Variants in KLHL29 observed in about 807,000 individuals in gnomAD.
The protein encoded by KLHL29 is kelch like family member 29, also known as kelch-like protein 29.
Under a neutral mutation model 80.4 loss-of-function variants are expected in KLHL29, and 21 were observed. The ratio of observed to expected loss-of-function variants is 0.26; its 90% CI spans 0.19 to 0.38. KLHL29 has a LOEUF of 0.38. KLHL29 is among the 10% of genes least tolerant of loss of function. KLHL29 has a pLI of 1.00. For missense variants in KLHL29, 867 were observed against 1,223.9 expected, an observed-to-expected ratio of 0.71 and a Z score of 4.35; for synonymous variants, 511 against 526.8, an observed-to-expected ratio of 0.97 and a Z score of 0.41.
At chr2:23,704,927 A>T (rs1672624396) in intron 13 of KLHL29, among the ~76,000 whole-genome samples, 1 of 152,256 alleles carries the variant, frequency 6.6e-6, no homozygotes, top group Admixed American at 6.5e-5. Context: ...TAGCTAGAAA[A>T]GATATAACCT....
intron 5 of KLHL29, chr2:23,644,269 C>T (rs919123485): frequency 1.6e-4 from 20 of 128,160 alleles, no homozygotes; most frequent in Middle Eastern, 7.4e-3. Flanking sequence ...CTCTGTCTCC[C>T]TTTAAAAAAA....
At chr2:23,411,340 C>T (rs7606048) in intron 1 of KLHL29, among the ~76,000 whole-genome samples, 115,568 of 150,708 alleles carry the variant, frequency 0.77, 44,500 homozygotes, top group South Asian at 0.85. Flanking sequence ...TGAAGTAGTT[C>T]CCATGCCTGG....
intron 2 of KLHL29, among the ~76,000 whole-genome samples, chr2:23,515,164 T>C (rs1665883841): frequency 2.0e-5 from 3 of 152,156 alleles, no homozygotes; most frequent in Admixed American, 2.0e-4. Flanking sequence ...CCTCTTCGCA[T>C]TTCTACCACC....
chr2:23,698,432 T>C (rs2712080), intron 11 of KLHL29, among the ~76,000 whole-genome samples: 22,555 of 152,108 alleles, frequency 0.15, 2,115 homozygotes, highest in Non-Finnish European at 0.2. Context: ...TGGCACACAG[T>C]GGCAATGATG....
At position 23,454,478 on chromosome 2, in the gene KLHL29, A is replaced by G. The variant is rs563032488; in HGVS notation, c.-153-21082A>G. On this transcript the variant is annotated intron_variant, in intron 1 of 13. Transcript: ENST00000486442. ...ATGGATTTTATTTAAACCCCCAGGC[A>G]GACTCCATTTAAATCTGTCTATAAA... 3.3e-5 allele frequency among the ~76,000 whole-genome samples: 5 copies of G among 152,330 alleles called. No homozygotes were observed. The South Asian group carries it at 8.3e-4, about 25-fold the overall frequency.
At chr2:23,618,373 A>G (rs1669076071) in intron 3 of KLHL29, among the ~76,000 whole-genome samples, 1 of 152,202 alleles carries the variant, frequency 6.6e-6, no homozygotes, top group Non-Finnish European at 1.5e-5. Context: ...GGATGAGATT[A>G]AGATTCAAAT....
chr2:23,404,449 A>G (rs1489091510), intron 1 of KLHL29, among the ~76,000 whole-genome samples: 1 of 152,228 alleles, frequency 6.6e-6, no homozygotes, highest in Non-Finnish European at 1.5e-5. Context: ...TTAACAAAGC[A>G]TTGATGTTTG....
chr2:23,528,753 A>G (rs1297833851), intron 2 of KLHL29, among the ~76,000 whole-genome samples: 1 of 152,214 alleles, frequency 6.6e-6, no homozygotes, highest in African/African-American at 2.4e-5. Flanking sequence ...TACCCTTTGG[A>G]CACACGTATT....
chr2:23,525,257 C>T (rs1666267340), intron 2 of KLHL29, among the ~76,000 whole-genome samples: 1 of 152,266 alleles, frequency 6.6e-6, no homozygotes, highest in African/African-American at 2.4e-5. Flanking sequence ...AGAACTTTCT[C>T]TTTGTCTCCT....
At chr2:23,677,131 A>G (rs759065479) in intron 5 of KLHL29, among the ~76,000 whole-genome samples, 15 of 152,370 alleles carry the variant, frequency 9.8e-5, no homozygotes, top group East Asian at 3.9e-4. Flanking sequence ...CAAATTTTCT[A>G]TCATCTTAGA....
At chr2:23,639,998 G>C (rs568977310) in intron 4 of KLHL29, among the ~76,000 whole-genome samples, 38 of 152,152 alleles carry the variant, frequency 2.5e-4, no homozygotes, top group Non-Finnish European at 5.0e-4. Context: ...ACAGTGGTCT[G>C]CCCGGCACAT....
intron 3 of KLHL29, among the ~76,000 whole-genome samples, chr2:23,565,609 C>T (rs541393578): frequency 6.6e-6 from 1 of 152,008 alleles, no homozygotes; most frequent in Admixed American, 6.5e-5. Context: ...TCAGCTGTGG[C>T]GCCCTTTCCT....
intron 1 of KLHL29, among the ~76,000 whole-genome samples, chr2:23,423,457 A>G (rs967148743): frequency 1.3e-5 from 2 of 152,236 alleles, no homozygotes; most frequent in Admixed American, 1.3e-4. Flanking sequence ...ATCCTCTCTG[A>G]GAACTTCTTA....
intron 3 of KLHL29, among the ~76,000 whole-genome samples, chr2:23,615,167 CCTT>C (rs1668972762): frequency 6.6e-6 from 1 of 152,246 alleles, no homozygotes; most frequent in African/African-American, 2.4e-5. Context: ...ATGAGCCAGG[CCTT>C]CTCCTGGGCT....
intron 3 of KLHL29, among the ~76,000 whole-genome samples, chr2:23,575,213 G>A (rs758532464): frequency 1.4e-4 from 22 of 152,176 alleles, no homozygotes; most frequent in Non-Finnish European, 2.1e-4. Context: ...GTGGAGGAGC[G>A]TTTTTGTGGT....
At chr2:23,653,596 C>T (rs1333825520) in intron 5 of KLHL29, among the ~76,000 whole-genome samples, 3 of 152,144 alleles carry the variant, frequency 2.0e-5, no homozygotes, top group Admixed American at 1.3e-4. Context: ...TCATACATGA[C>T]GCACACAGGC....
intron 1 of KLHL29, among the ~76,000 whole-genome samples, chr2:23,461,518 G>T (rs4665594): frequency 0.16 from 24,224 of 152,120 alleles, 3,102 homozygotes; most frequent in African/African-American, 0.34. Flanking sequence ...AATTTTTCTA[G>T]GTGCTCTGGC....
At chr2:23,505,330 G>C (rs1457435291) in intron 2 of KLHL29, among the ~76,000 whole-genome samples, 1 of 152,208 alleles carries the variant, frequency 6.6e-6, no homozygotes, top group Non-Finnish European at 1.5e-5. Context: ...CCGTGGAGGT[G>C]TTCTCTCGAG....
intron 1 of KLHL29, among the ~76,000 whole-genome samples, chr2:23,448,184 C>A (rs1663765194): frequency 6.6e-6 from 1 of 152,268 alleles, no homozygotes; most frequent in East Asian, 1.9e-4. Context: ...GTTCCCAAAT[C>A]AGAATATACT....
Sources: gnomAD v4.1 joint callset for allele counts (sites outside exome capture counted in the v4.1 genomes callset) on GRCh38, gnomAD v4.1.1 for gene constraint, MANE v1.5 for transcripts, NCBI Gene and HGNC (gene_info 2026-07-23, HGNC 2026-07-21) for gene names.